Variants in RP1 observed in about 807,000 individuals in gnomAD.
RP1 encodes RP1 axonemal microtubule associated.
Under a neutral mutation model 14.8 loss-of-function variants are expected in RP1, and 16 were observed. The ratio of observed to expected loss-of-function variants is 1.08; its 90% CI spans 0.73 to 1.65. The LOEUF is 1.65. Among genes scored for constraint, RP1 ranks in the 40% most tolerant of loss-of-function variants. RP1 has a pLI of 0.00. For missense variants in RP1, 2,631 were observed against 2,535.0 expected, an observed-to-expected ratio of 1.04 and a Z score of -0.81; for synonymous variants, 876 against 883.6, an observed-to-expected ratio of 0.99 and a Z score of 0.15.
intron 1 of RP1, among the ~76,000 whole-genome samples, chr8:54,594,509 G>T (rs573751765): frequency 6.6e-6 from 1 of 152,156 alleles, no homozygotes; most frequent in African/African-American, 2.4e-5. Context: ...AAAAGCTCTG[G>T]AGACAATTAG....
At chr8:54,780,811 C>A in intron 23 of RP1, 1 of 450,976 alleles carries the variant, frequency 2.2e-6, no homozygotes, top group Non-Finnish European at 2.9e-6. Flanking sequence ...TGGAACCAAT[C>A]CTCCACAGAT....
downstream of RP1, among the ~76,000 whole-genome samples, chr8:54,774,599 C>T (rs926879005): frequency 1.3e-5 from 2 of 152,128 alleles, no homozygotes; most frequent in Non-Finnish European, 2.9e-5. Flanking sequence ...GCTTCTCATG[C>T]CCTGGCTGGG....
chr8:54,787,848 A>G (rs931241817), intron 24 of RP1, among the ~76,000 whole-genome samples: 1 of 152,244 alleles, frequency 6.6e-6, no homozygotes, highest in Non-Finnish European at 1.5e-5. Flanking sequence ...ACCAGCAATG[A>G]GAAGACCTAT....
At chr8:54,809,838 G>A (rs1461850539) in intron 24 of RP1, among the ~76,000 whole-genome samples, 4 of 152,204 alleles carry the variant, frequency 2.6e-5, no homozygotes, top group South Asian at 2.1e-4. Context: ...GTGTGATAGC[G>A]AAAGCATTTT....
At chr8:54,800,871 C>T (rs1481428500) in intron 24 of RP1, among the ~76,000 whole-genome samples, 1 of 152,124 alleles carries the variant, frequency 6.6e-6, no homozygotes, top group Non-Finnish European at 1.5e-5. Flanking sequence ...ATTGTTTTGA[C>T]TATTCAGATT....
At chr8:54,657,349 G>A (rs1806777062) in intron 6 of RP1, among the ~76,000 whole-genome samples, 1 of 152,114 alleles carries the variant, frequency 6.6e-6, no homozygotes, top group Non-Finnish European at 1.5e-5. Flanking sequence ...CTACAAATAT[G>A]TTCTGATTTT....
chr8:54,678,336 C>T (rs1807345256), intron 8 of RP1: 1 of 706,320 alleles, frequency 1.4e-6, no homozygotes, highest in Non-Finnish European at 2.2e-6. Context: ...ATTTGAAGTA[C>T]TAAAGCTTTA....
At chr8:54,735,973 T>G (rs894912383) in intron 18 of RP1, among the ~76,000 whole-genome samples, 1 of 152,160 alleles carries the variant, frequency 6.6e-6, no homozygotes, top group Non-Finnish European at 1.5e-5. Context: ...CCCAGGGAGC[T>G]TTAAAAACTA....
At chr8:54,852,657 A>G (rs781597399) in exon 26 of RP1, 45 of 1,231,306 alleles carry the variant, frequency 3.7e-5, no homozygotes, top group Non-Finnish European at 4.6e-5. Context: ...CCTCATCGGT[A>G]CCAGAGGTGA....
intron 1 of RP1, among the ~76,000 whole-genome samples, chr8:54,589,433 T>C (rs1407390002): frequency 1.3e-5 from 2 of 152,064 alleles, no homozygotes; most frequent in East Asian, 3.9e-4. Flanking sequence ...ATTCATGAAA[T>C]AAAGGGATTT....
intron 15 of RP1, among the ~76,000 whole-genome samples, chr8:54,718,792 C>T (rs77578859): frequency 0.029 from 4,363 of 152,152 alleles, 184 homozygotes; most frequent in African/African-American, 0.099. Context: ...AAATGCAAAG[C>T]TATAGACACA....
intron 1 of RP1, among the ~76,000 whole-genome samples, chr8:54,576,006 T>C (rs550030692): frequency 6.6e-6 from 1 of 151,922 alleles, no homozygotes; most frequent in South Asian, 2.1e-4. Flanking sequence ...TATTTATATA[T>C]CCTAGGGAGA....
chr8:54,668,036 A>C (rs1807057222), intron 7 of RP1, among the ~76,000 whole-genome samples: 1 of 152,164 alleles, frequency 6.6e-6, no homozygotes, highest in African/African-American at 2.4e-5. Flanking sequence ...ACACAACAAA[A>C]AAAGAGAATT....
At chr8:54,755,501 T>C in intron 20 of RP1, 1 of 923,528 alleles carries the variant, frequency 1.1e-6, no homozygotes, top group Non-Finnish European at 1.6e-6. Context: ...TTACAGGAAT[T>C]CTCATATATG....
intron 1 of RP1, among the ~76,000 whole-genome samples, chr8:54,617,334 A>T (rs1805743309): frequency 6.6e-6 from 1 of 152,230 alleles, no homozygotes; most frequent in Non-Finnish European, 1.5e-5. Flanking sequence ...CCAAATTTAA[A>T]GGGCATAAGA....
chr8:54,793,791 A>G (rs892143361), intron 24 of RP1, among the ~76,000 whole-genome samples: 3 of 152,002 alleles, frequency 2.0e-5, no homozygotes, highest in African/African-American at 7.2e-5. Flanking sequence ...TACTCTTGCT[A>G]CTTCTATTTA....
chr8:54,619,636 T>C (rs1052119188), intron 1 of RP1, among the ~76,000 whole-genome samples: 6 of 152,252 alleles, frequency 3.9e-5, no homozygotes, highest in African/African-American at 1.4e-4. Context: ...TCTTGAATTC[T>C]CTCCTGAAGG....
chr8:54,642,516 G>C (rs1233993960), intron 3 of RP1, among the ~76,000 whole-genome samples: 1 of 151,908 alleles, frequency 6.6e-6, no homozygotes, highest in Non-Finnish European at 1.5e-5. Flanking sequence ...TTTTTTATTT[G>C]TAAAACTGAG....
Position 54,630,065 on chromosome 8 carries a change from C to T in RP1, c.6183C>T (p.Ile2061=). ...ACCTCAGCGGTCAGACAAATGAAATCTTTAAAGCAGTCGATGAGAATAACA... is the reference window on the plus strand; with the variant it reads ...ACCTCAGCGGTCAGACAAATGAAATTTTTAAAGCAGTCGATGAGAATAACA... The part of the protein sequence containing the change: ...TQDLSGQTNE[I]FKAVDENNNL... The change falls in exon 4 of 4, where the codon ATC becomes ATT. Residue 2061 remains isoleucine (I), a synonymous_variant. Transcript: ENST00000220676. The T allele has an allele frequency of 5.6e-6, 9 of 1,613,906 alleles. No individual in the cohort carries two copies. Among genetic ancestry groups the T allele is most frequent in the Non-Finnish European group, 7.6e-6 (9 of 1,179,940 alleles).
Sources: allele counts gnomAD v4.1 joint callset (sites outside exome capture counted in the v4.1 genomes callset), GRCh38; gene constraint gnomAD v4.1.1; transcripts MANE v1.5; gene names NCBI Gene and HGNC (gene_info 2026-07-23, HGNC 2026-07-21).